The following RYR3 variants were observed in gnomAD, a reference collection of about 807,000 sequenced individuals.
The protein encoded by RYR3 is brain ryanodine receptor-calcium release channel.
In RYR3, 207 loss-of-function variants were observed where a neutral mutation model predicts 584.3. The observed-to-expected ratio is 0.35, with a 90% CI of 0.32 to 0.40. The LOEUF is 0.40. Ranked by LOEUF, RYR3 falls within the 10% of genes least tolerant of loss-of-function variation. The pLI, the probability that RYR3 is intolerant of heterozygous loss-of-function variation, is 1.00. For missense variants in RYR3, 5,616 were observed against 6,089.2 expected, an observed-to-expected ratio of 0.92 and a Z score of 2.59; for synonymous variants, 2,416 against 2,248.5, an observed-to-expected ratio of 1.07 and a Z score of -2.11.
intron 1 of RYR3, among the ~76,000 whole-genome samples, chr15:33,379,687 C>CTCTCTCTATATATATATATATATATA: frequency 8.0e-6 from 1 of 125,498 alleles, no homozygotes; most frequent in African/African-American, 3.6e-5. Context: ...CTCTCTCTCT[C>CTCTCTCTATATATATATATATATATA]TATATATATA....
At chr15:33,542,700 G>C (rs1399875580) in intron 7 of RYR3, among the ~76,000 whole-genome samples, 1 of 152,066 alleles carries the variant, frequency 6.6e-6, no homozygotes, top group Non-Finnish European at 1.5e-5. Context: ...TTTTAAGACA[G>C]CCCCTAAAGT....
chr15:33,352,004 A>T (rs1160297606), intron 1 of RYR3, among the ~76,000 whole-genome samples: 1 of 152,206 alleles, frequency 6.6e-6, no homozygotes, highest in Non-Finnish European at 1.5e-5. Flanking sequence ...TATATCTAGA[A>T]AACCCCATTG....
At chr15:33,768,990 C>A in intron 61 of RYR3, 122 bp from the exon 62 acceptor site, 1 of 798,630 alleles carries the variant, frequency 1.3e-6, no homozygotes, top group Non-Finnish European at 2.2e-6. Context: ...AACACAGGCC[C>A]AGGACTTTAT....
chr15:33,391,150 C>T (rs2041969497), intron 1 of RYR3, among the ~76,000 whole-genome samples: 1 of 152,132 alleles, frequency 6.6e-6, no homozygotes, highest in Non-Finnish European at 1.5e-5. Context: ...CCAGCCCCAC[C>T]ACTCTGCTTA....
At chr15:33,563,092 G>A (rs958980024) in intron 11 of RYR3, 82 bp downstream of exon 11, 2 of 1,115,560 alleles carry the variant, frequency 1.8e-6, no homozygotes, top group African/African-American at 1.6e-5. Context: ...TGAGAACCAG[G>A]TGGACATGAT....
At chr15:33,522,576 G>A (rs116979951) in intron 3 of RYR3, among the ~76,000 whole-genome samples, 3,881 of 152,322 alleles carry the variant, frequency 0.025, 63 homozygotes, top group Non-Finnish European at 0.04. Context: ...TATACTCCAA[G>A]GTTGAGAGCC....
chr15:33,847,734 G>A (rs2078816494), intron 93 of RYR3: 1 of 152,414 alleles, frequency 6.6e-6, no homozygotes, highest in African/African-American at 2.4e-5. Context: ...CCTGGAAGGA[G>A]CTCTTTACGG....
chr15:33,834,887 A>G, intron 86 of RYR3, 81 bp from the exon 87 acceptor site: 1 of 925,136 alleles, frequency 1.1e-6, no homozygotes, highest in Non-Finnish European at 1.7e-6. Context: ...TCATATAAGT[A>G]GGTATCAGAT....
chr15:33,368,338 C>CTTTT (rs35491164), intron 1 of RYR3, among the ~76,000 whole-genome samples: 5,147 of 85,734 alleles, frequency 0.06, 405 homozygotes, highest in East Asian at 0.26. Flanking sequence ...GCCTTCCTGT[C>CTTTT]TTTTTTTTTT....
chr15:33,861,646 C>A (rs147523985), intron 102 of RYR3, among the ~76,000 whole-genome samples: 1 of 152,150 alleles, frequency 6.6e-6, no homozygotes, highest in Non-Finnish European at 1.5e-5. Context: ...TACTGGCAGG[C>A]TTTCCTCCCA....
intron 1 of RYR3, among the ~76,000 whole-genome samples, chr15:33,455,088 G>A (rs150768618): frequency 1.6e-4 from 25 of 152,288 alleles, no homozygotes; most frequent in African/African-American, 4.6e-4. Context: ...CAGTGGGAAC[G>A]GAGAGAAGCA....
intron 1 of RYR3, among the ~76,000 whole-genome samples, chr15:33,443,129 C>G (rs1029753632): frequency 6.6e-6 from 1 of 151,980 alleles, no homozygotes; most frequent in African/African-American, 2.4e-5. Flanking sequence ...TGTTGTGGTG[C>G]ACGTCTGTAA....
At chr15:33,562,544 G>T (rs2057465737) in intron 10 of RYR3, among the ~76,000 whole-genome samples, 1 of 146,206 alleles carries the variant, frequency 6.8e-6, no homozygotes, top group South Asian at 2.2e-4. Context: ...AGAAAATATA[G>T]TGAAGAATTA....
chr15:33,569,349 A>G (rs2057895652), intron 12 of RYR3, among the ~76,000 whole-genome samples: 1 of 152,136 alleles, frequency 6.6e-6, no homozygotes, highest in South Asian at 2.1e-4. Flanking sequence ...ATCCATCTCC[A>G]CATGTTTTTA....
intron 38 of RYR3, among the ~76,000 whole-genome samples, chr15:33,681,890 A>G (rs1351234281): frequency 6.6e-6 from 1 of 152,206 alleles, no homozygotes; most frequent in African/African-American, 2.4e-5. Flanking sequence ...TGTAAGCTGC[A>G]GGGATTTGCT....
intron 70 of RYR3, among the ~76,000 whole-genome samples, chr15:33,809,317 C>T (rs895365153): frequency 2.0e-5 from 3 of 152,146 alleles, no homozygotes; most frequent in Admixed American, 6.5e-5. Context: ...TACCTCATAG[C>T]GTAAAGCTTT....
rs2042651431 is a variant in RYR3 at position 33,401,337 on chromosome 15, G to A, written c.52-72082G>A. 3.3e-5 allele frequency among the ~76,000 whole-genome samples: 5 copies of A among 152,256 alleles called. No homozygotes were observed. The South Asian group carries it at 1.0e-3, about 32-fold the overall frequency. On this transcript the variant is annotated intron_variant, in intron 1 of 103. Coordinates refer to ENST00000634891, the MANE Select transcript of RYR3 (RefSeq NM_001036.6). The stretch of plus-strand genomic sequence containing the variant: ...TTAATTTTATCCTTGCAATAGCCCT[G>A]GTCAGGCTGGGTGGTAACCTTGTTG...
chr15:33,702,391 T>G (rs2152776139), intron 42 of RYR3, among the ~76,000 whole-genome samples: 1 of 152,302 alleles, frequency 6.6e-6, no homozygotes, highest in South Asian at 2.1e-4. Context: ...CCCAAGACTG[T>G]GCTGGCTTCA....
Position 33,838,211 on chromosome 15 carries a change from G to A in RYR3, c.12231G>A (p.Gly4077=). 1.9e-6 allele frequency: 3 copies of A among 1,614,018 alleles called. No homozygotes were observed. The highest frequency in any genetic ancestry group is 2.5e-6 in the Non-Finnish European group (3 of 1,179,888). ...QFIFDVVNEG[G]EQEKMELFVN... is the part of the protein sequence containing the mutation. ...TTTTTGATGTTGTCAATGAAGGTGG[G>A]GAGCAGGAAAAGATGGAGCTGTTTG... Residue 4077 remains glycine (G), a synonymous_variant, in exon 89 of 104, where the codon GGG becomes GGA. Transcript: ENST00000634891.
Sources: gnomAD v4.1 joint callset for allele counts (sites outside exome capture counted in the v4.1 genomes callset) on GRCh38, gnomAD v4.1.1 for gene constraint, MANE v1.5 for transcripts, NCBI Gene and HGNC (gene_info 2026-07-23, HGNC 2026-07-21) for gene names.